TBCK: variants seen among roughly 807,000 people sequenced by gnomAD.
TBCK encodes the protein TBC domain-containing protein kinase-like protein.
In TBCK, 99 loss-of-function variants were observed where a neutral mutation model predicts 113.4. The ratio of observed to expected loss-of-function variants is 0.87; its 90% CI spans 0.74 to 1.03. TBCK has a LOEUF of 1.03. Ranked by LOEUF, TBCK falls within the 50% of genes least tolerant of loss-of-function variation. The pLI is 0.00. For missense variants in TBCK, 1,045 were observed against 1,061.3 expected (o/e 0.98, Z 0.21); for synonymous variants, 369 against 370.8 (o/e 1.00, Z 0.05).
At chr4:106,088,645 A>G (rs1385713259) in intron 25 of TBCK, among the ~76,000 whole-genome samples, 1 of 152,186 alleles carries the variant, frequency 6.6e-6, no homozygotes, top group Non-Finnish European at 1.5e-5. Flanking sequence ...ACACATACTC[A>G]TGTATATTTA....
intron 23 of TBCK, among the ~76,000 whole-genome samples, chr4:106,153,022 T>C (rs554893312): frequency 6.6e-6 from 1 of 152,180 alleles, no homozygotes; most frequent in South Asian, 2.1e-4. Context: ...AACCAACTCT[T>C]TGTTTCATTG....
rs115283074 is a variant in TBCK, at chr4:106,170,577, G to A, written c.2235+518C>T. Among the ~76,000 whole-genome samples, 862 of 152,110 alleles carry A rather than the reference G, an allele frequency of 5.7e-3. 10 individuals are homozygous for A. Among genetic ancestry groups the A allele is most frequent in the African/African-American group, 0.02 (831 of 41,552 alleles). The stretch of plus-strand genomic sequence containing the variant: ...TACATATTAACAGAAATTCAATTTC[G>A]TGGAAATAATTATGATACTATGATA... On this transcript the variant is annotated intron_variant, in intron 23 of 25. Transcript: ENST00000394708.
intron 19 of TBCK, among the ~76,000 whole-genome samples, chr4:106,219,474 C>T (rs569406798): frequency 5.3e-5 from 8 of 151,582 alleles, no homozygotes; most frequent in African/African-American, 1.2e-4. Context: ...ATACGGTAGG[C>T]AATTAAAAAT....
chr4:106,070,067 A>T (rs992039770), intron 25 of TBCK, among the ~76,000 whole-genome samples: 1 of 152,010 alleles, frequency 6.6e-6, no homozygotes, highest in African/African-American at 2.4e-5. Flanking sequence ...TTCTAAATAT[A>T]CATTCATGTC....
chr4:106,266,535 T>C (rs189768386), intron 3 of TBCK, among the ~76,000 whole-genome samples: 1 of 151,916 alleles, frequency 6.6e-6, no homozygotes, highest in Non-Finnish European at 1.5e-5. Flanking sequence ...AATTGTGAGC[T>C]ATTAGACATT....
At chr4:106,210,514 G>T (rs1217888898) in intron 20 of TBCK, among the ~76,000 whole-genome samples, 1 of 152,090 alleles carries the variant, frequency 6.6e-6, no homozygotes, top group Non-Finnish European at 1.5e-5. Context: ...AGATCTGAAA[G>T]GTTCCCTGAC....
chr4:106,089,456 G>A (rs1449460003), intron 25 of TBCK, among the ~76,000 whole-genome samples: 2 of 152,128 alleles, frequency 1.3e-5, no homozygotes, highest in African/African-American at 2.4e-5. Context: ...GATCCCCTAA[G>A]TCTTATGTCC....
chr4:106,150,712 A>G (rs60360942), intron 23 of TBCK, among the ~76,000 whole-genome samples: 6,002 of 152,150 alleles, frequency 0.039, 377 homozygotes, highest in African/African-American at 0.13. Context: ...GGAATAAATG[A>G]TAAAAGAAAC....
intron 25 of TBCK, among the ~76,000 whole-genome samples, chr4:106,048,177 TTTTTGAATAATAC>T (rs1315378903): frequency 1.3e-5 from 2 of 152,078 alleles, no homozygotes; most frequent in Non-Finnish European, 2.9e-5. Flanking sequence ...CATGGACAAT[TTTTTGAATAATAC>T]TGTCTTAAGT....
At chr4:106,255,665 G>A (rs1761910284) in intron 5 of TBCK, among the ~76,000 whole-genome samples, 1 of 148,346 alleles carries the variant, frequency 6.7e-6, no homozygotes, top group Non-Finnish European at 1.5e-5. Flanking sequence ...AAGGGCTGCA[G>A]CTCCTCTCTC....
intron 3 of TBCK, among the ~76,000 whole-genome samples, chr4:106,291,643 T>G (rs540503119): frequency 1.3e-5 from 2 of 152,218 alleles, no homozygotes; most frequent in Non-Finnish European, 2.9e-5. Context: ...CACCACTTCA[T>G]CAAACGTGTT....
At position 106,046,565 on chromosome 4, in the gene TBCK, G is replaced by GTTCTTCATA; in HGVS notation, c.2678_*4dup. The stretch of plus-strand genomic sequence containing the variant: ...CTAAGTTTTGGCAGTCACACTCTTG[G>GTTCTTCATA]TTCTTCATATTTGAGGAGATGGGAT... On this transcript the variant is annotated 3_prime_UTR_variant, in exon 26 of 26. Transcript: ENST00000394708. 6.4e-7 allele frequency: 1 copy of GTTCTTCATA among 1,551,666 alleles called. No individual in the cohort carries two copies. Among genetic ancestry groups the GTTCTTCATA allele is most frequent in the Non-Finnish European group, 8.9e-7 (1 of 1,123,960 alleles).
chr4:106,087,865 G>A (rs1418602156), intron 25 of TBCK, among the ~76,000 whole-genome samples: 1 of 152,210 alleles, frequency 6.6e-6, no homozygotes, highest in Non-Finnish European at 1.5e-5. Flanking sequence ...CTCCTATTCA[G>A]TAAATGGTGC....
chr4:106,078,286 C>A (rs1364184691), intron 25 of TBCK, among the ~76,000 whole-genome samples: 1 of 152,062 alleles, frequency 6.6e-6, no homozygotes, highest in Non-Finnish European at 1.5e-5. Flanking sequence ...TAACCAAAAT[C>A]AGAGCTGAAC....
At chr4:106,241,356 A>T (rs566988204) in intron 12 of TBCK, among the ~76,000 whole-genome samples, 4 of 151,852 alleles carry the variant, frequency 2.6e-5, no homozygotes, top group Admixed American at 2.0e-4. Context: ...ATGCAATGTC[A>T]ATCAAAACCC....
chr4:106,238,706 A>T (rs1323926373), intron 12 of TBCK: 1 of 152,174 alleles, frequency 6.6e-6, no homozygotes, highest in Non-Finnish European at 1.5e-5. Flanking sequence ...TAACAAGAAA[A>T]ATGCTGAACA....
chr4:106,127,349 G>A (rs983672048), intron 23 of TBCK, among the ~76,000 whole-genome samples: 1 of 151,910 alleles, frequency 6.6e-6, no homozygotes, highest in Admixed American at 6.6e-5. Flanking sequence ...AAATATTAGT[G>A]TTGACATTTT....
intron 3 of TBCK, among the ~76,000 whole-genome samples, chr4:106,287,249 CT>C (rs1479426711): frequency 9.2e-5 from 14 of 152,162 alleles, no homozygotes; most frequent in Non-Finnish European, 1.8e-4. Flanking sequence ...ACTCTACCCC[CT>C]ATTCTTAGTG....
chr4:106,197,857 CT>C (rs1485647156), intron 20 of TBCK, among the ~76,000 whole-genome samples: 2 of 152,092 alleles, frequency 1.3e-5, no homozygotes, highest in African/African-American at 4.8e-5. Context: ...TTTACAAGGT[CT>C]CTTCAGTCTT....
Sources: allele counts gnomAD v4.1 joint callset (sites outside exome capture counted in the v4.1 genomes callset), GRCh38; gene constraint gnomAD v4.1.1; transcripts MANE v1.5; gene names NCBI Gene and HGNC (gene_info 2026-07-23, HGNC 2026-07-21).